SALL3: variants seen among roughly 807,000 people sequenced by gnomAD.
SALL3 encodes spalt like transcription factor 3.
In SALL3, 25 loss-of-function variants were observed where a neutral mutation model predicts 66.2. The observed-to-expected ratio is 0.38, with a 90% CI of 0.28 to 0.53. The LOEUF (loss-of-function observed/expected upper bound fraction) is 0.53, where lower values mean the gene tolerates loss of function less well. Ranked by LOEUF, SALL3 falls within the 20% of genes least tolerant of loss-of-function variation. The pLI, the probability that SALL3 is intolerant of heterozygous loss-of-function variation, is 0.85. For synonymous variants in SALL3, 1,152 were observed against 899.1 expected (o/e 1.28, Z -5.03); for missense variants, 2,194 against 1,916.5 (o/e 1.14, Z -2.70).
In SALL3 at chr18:78,992,353, A is replaced by AGGGCGAGGC; in HGVS notation, c.363_371dup (p.Gly122_Ala124dup). On this transcript the variant is annotated inframe_insertion, in exon 2 of 3. Transcript: ENST00000537592. ...GAGGAGGCGGGTGCGGAGGGCGCGG[A>AGGGCGAGGC]GGGCGAGGCCAGGCCGGTGGAGAAG... 1 of 1,368,858 alleles carries AGGGCGAGGC rather than the reference A, an allele frequency of 7.3e-7. No individual in the cohort carries two copies. The highest frequency in any genetic ancestry group is 3.2e-5 in the East Asian group (1 of 31,562). 84.8% of individuals were successfully genotyped at this position (1,368,858 alleles called of 1,614,324 possible). A position where few individuals can be genotyped will look rare whatever the true frequency, so the allele number is the denominator to read the frequency against.
At chr18:78,983,960 G>A (rs1397004225) in intron 1 of SALL3, among the ~76,000 whole-genome samples, 5 of 152,200 alleles carry the variant, frequency 3.3e-5, no homozygotes, top group African/African-American at 1.2e-4. Flanking sequence ...TTAATTCCCA[G>A]CTTGCAGAGA....
chr18:78,986,725 A>C (rs1914258368), intron 1 of SALL3, among the ~76,000 whole-genome samples: 2 of 152,240 alleles, frequency 1.3e-5, no homozygotes, highest in Admixed American at 6.5e-5. Context: ...TGGATAAGTT[A>C]ACAACCCTTT....
At chr18:78,996,448 G>A (rs1309038749) in intron 2 of SALL3, among the ~76,000 whole-genome samples, 6 of 152,218 alleles carry the variant, frequency 3.9e-5, no homozygotes, top group Non-Finnish European at 5.9e-5. Context: ...TAGAATTAAT[G>A]TTTCTTTGTT....
In SALL3 at chr18:78,992,699, G is replaced by C; in HGVS notation, c.708G>C (p.Pro236=). The C allele has an allele frequency of 6.7e-7, 1 of 1,502,570 alleles. No homozygotes were observed. Among genetic ancestry groups the C allele is most frequent in the Non-Finnish European group, 8.9e-7 (1 of 1,129,484 alleles). The allele number at this position is 1,502,570 out of a possible 1,614,324, so 93.1% of individuals were successfully genotyped here. A position where few individuals can be genotyped will look rare whatever the true frequency, so the allele number is the denominator to read the frequency against. ...GCCAGGTGGCCCTCATGCAGCGCCCGCCGCCGCGGCCCTCACTCAGCCCCG... is the reference window on the plus strand; with the variant it reads ...GCCAGGTGGCCCTCATGCAGCGCCCCCCGCCGCGGCCCTCACTCAGCCCCG... The part of the protein sequence containing the change: ...IRSQVALMQR[P]PPRPSLSPAA... The change falls in exon 2 of 3, where the codon CCG becomes CCC. Residue 236 remains proline, a synonymous_variant. Transcript: ENST00000537592.
rs1211236507 is a variant in SALL3 at position 78,980,007 on chromosome 18, C to T, written c.-268C>T. ...GCCCCGGTCCCGAGGCGCCGCGGCCCCCTCCTCGTCGGCGCGGCCGCTAAT... is the reference window on the plus strand; with the variant it reads ...GCCCCGGTCCCGAGGCGCCGCGGCCTCCTCCTCGTCGGCGCGGCCGCTAAT... On this transcript the variant is annotated 5_prime_UTR_variant, in exon 1 of 3. Coordinates refer to ENST00000537592, the MANE Select transcript of SALL3 (RefSeq NM_171999.4). 2.1e-5 allele frequency among the ~76,000 whole-genome samples: 3 copies of T among 145,688 alleles called. No homozygotes were observed. The highest frequency in any genetic ancestry group is 4.6e-5 in the Non-Finnish European group (3 of 65,608).
At chr18:78,983,601 A>G (rs1914146954) in intron 1 of SALL3, among the ~76,000 whole-genome samples, 1 of 152,186 alleles carries the variant, frequency 6.6e-6, no homozygotes, top group Non-Finnish European at 1.5e-5. Context: ...AGAATTTACC[A>G]GTGGTTTTCA....
Position 78,994,750 on chromosome 18 carries a change from C to G in SALL3, c.2759C>G (p.Pro920Arg). ...SNGESFRSKSPGLGAPEEPQE... is the reference protein window; with the variant it reads ...SNGESFRSKSRGLGAPEEPQE... ...GGTGAGAGCTTCCGCTCCAAGTCCC[C>G]GGGCCTGGGCGCCCCGGAGGAGCCC... Residue 920 changes from proline to arginine, a missense_variant, in exon 2 of 3, where the codon CCG becomes CGG. Transcript: ENST00000537592. The G allele has an allele frequency of 1.9e-6, 3 of 1,601,548 alleles. No individual in the cohort carries two copies. The highest frequency in any genetic ancestry group is 2.5e-6 in the Non-Finnish European group (3 of 1,178,436).
intron 1 of SALL3, among the ~76,000 whole-genome samples, chr18:78,986,429 C>G (rs749979705): frequency 2.6e-5 from 4 of 152,150 alleles, no homozygotes; most frequent in Non-Finnish European, 5.9e-5. Flanking sequence ...TTTTCTATTG[C>G]GTCTGGAATT....
chr18:78,992,713 C>T lies in SALL3; in HGVS notation c.722C>T (p.Ser241Leu). 6.8e-7 allele frequency: 1 copy of T among 1,476,052 alleles called. No individual in the cohort carries two copies. The highest frequency in any genetic ancestry group is 3.0e-5 in the East Asian group (1 of 33,412). 91.4% of individuals were successfully genotyped at this position (1,476,052 alleles called of 1,614,324 possible). Residue 241 changes from serine to leucine, a missense_variant, in exon 2 of 3, where the codon TCA (serine) becomes TTA (leucine). Ser to Leu is a moderately radical substitution (Grantham distance 145, BLOSUM62 -2). Transcript: ENST00000537592. The stretch of plus-strand genomic sequence containing the variant: ...ATGCAGCGCCCGCCGCCGCGGCCCT[C>T]ACTCAGCCCCGCGGCCGCCCCGAGC... ...ALMQRPPPRP[S>L]LSPAAAPSAP...
rs1202697355 is a variant in SALL3 at position 78,993,918 on chromosome 18, T to C, written c.1927T>C (p.Phe643Leu). The change falls in exon 2 of 3, where the codon TTC becomes CTC. Residue 643 changes from phenylalanine to leucine, a missense_variant. Coordinates refer to ENST00000537592, the MANE Select transcript of SALL3 (RefSeq NM_171999.4). ...CGGGCTGCCCGCCGTCTCCGAGCAG[T>C]TCAAGGCCCAGTTTCCGTTCGGGGG... is the stretch of plus-strand genomic sequence containing the variant. The part of the protein sequence containing the change: ...SPGLPAVSEQ[F>L]KAQFPFGGLL... The C allele has an allele frequency of 1.2e-6, 2 of 1,604,166 alleles. No individual in the cohort carries two copies. Among genetic ancestry groups the C allele is most frequent in the Admixed American group, 3.4e-5 (2 of 59,238 alleles).
At chr18:78,985,331 G>A (rs1023120378) in intron 1 of SALL3, among the ~76,000 whole-genome samples, 1 of 152,182 alleles carries the variant, frequency 6.6e-6, no homozygotes, top group African/African-American at 2.4e-5. Flanking sequence ...AGTTCTTAAA[G>A]AAGAAGAGAA....
Position 78,992,770 on chromosome 18 carries a change from G to A in SALL3, c.779G>A (p.Gly260Glu). Residue 260 changes from glycine (G) to glutamate (E), a missense_variant, in exon 2 of 3, where the codon GGG (glycine) becomes GAG (glutamate). Physicochemically the swap from Gly to Glu is moderately conservative, Grantham distance 98 (BLOSUM62 -2). Transcript: ENST00000537592. ...GGCCCGGCCCCCAGCCAGCTGCCCGGGCTGGCCGCGCTCCCGCTGTCGGCC... is the reference window on the plus strand; with the variant it reads ...GGCCCGGCCCCCAGCCAGCTGCCCGAGCTGGCCGCGCTCCCGCTGTCGGCC... ...APGPAPSQLP[G>E]LAALPLSAGA... 9.6e-7 allele frequency: 1 copy of A among 1,037,694 alleles called. No individual in the cohort carries two copies. Among genetic ancestry groups the A allele is most frequent in the Non-Finnish European group, 1.2e-6 (1 of 864,866 alleles). The allele number at this position is 1,037,694 out of a possible 1,614,324, so 64.3% of individuals were successfully genotyped here. A position where few individuals can be genotyped will look rare whatever the true frequency, so the allele number is the denominator to read the frequency against.
At chr18:78,981,831 C>T (rs1475505119) in intron 1 of SALL3, among the ~76,000 whole-genome samples, 4 of 152,074 alleles carry the variant, frequency 2.6e-5, no homozygotes, top group African/African-American at 9.7e-5. Flanking sequence ...TTTGTATCGC[C>T]CTCAATGACT....
In SALL3 at chr18:78,997,318, ACTAGCC is replaced by A. The variant is rs747384954; in HGVS notation, c.3900_*2del. The A allele has an allele frequency of 3.7e-6, 6 of 1,612,044 alleles. No individual in the cohort carries two copies. Among genetic ancestry groups the A allele is most frequent in the Non-Finnish European group, 5.1e-6 (6 of 1,178,718 alleles). ...GAGGATAACAAGGAGATTGGTATCA[ACTAGCC>A]AGTGACTCGCTCATCTGCCCTGCCC... On this transcript the variant is annotated stop_lost and 3_prime_UTR_variant, in exon 3 of 3. Coordinates refer to ENST00000537592, the MANE Select transcript of SALL3 (RefSeq NM_171999.4).
At position 78,995,335 on chromosome 18, in the gene SALL3, G is replaced by T; in HGVS notation, c.3344G>T (p.Cys1115Phe). ...PPRRTPKQHN[C>F]QSCGKTFSSA... ...CGCCGGACGCCCAAGCAGCACAACT[G>T]CCAGTCGTGCGGGAAGACCTTCTCC... The change falls in exon 2 of 3, where the codon TGC (cysteine) becomes TTC (phenylalanine). Residue 1115 changes from cysteine (C) to phenylalanine (F), a missense_variant. By Grantham distance (205) the Cys-to-Phe change is radical. Transcript: ENST00000537592. 1 of 1,570,792 alleles carries T rather than the reference G, an allele frequency of 6.4e-7. No individual in the cohort carries two copies.
chr18:78,990,794 C>T (rs1252723595), intron 1 of SALL3, among the ~76,000 whole-genome samples: 2 of 152,110 alleles, frequency 1.3e-5, no homozygotes, highest in East Asian at 1.9e-4. Flanking sequence ...AAAGCAGTTA[C>T]GAGTCAGTAA....
At chr18:78,985,170 T>C (rs1193103266) in intron 1 of SALL3, 2 of 152,198 alleles carry the variant, frequency 1.3e-5, no homozygotes, top group African/African-American at 4.8e-5. Context: ...ATAATACAAT[T>C]AGTGCATCTG....
rs1237093570 is a variant in SALL3 at position 78,986,807 on chromosome 18, A to C, written c.83-5267A>C. 3.9e-5 allele frequency among the ~76,000 whole-genome samples: 6 copies of C among 152,230 alleles called. No individual in the cohort carries two copies. The East Asian group carries it at 1.2e-3, about 29-fold the overall frequency. On this transcript the variant is annotated intron_variant, in intron 1 of 2. Coordinates refer to ENST00000537592, the MANE Select transcript of SALL3 (RefSeq NM_171999.4). ...AAAAACATGCAGCAAAAGTGTATTG[A>C]AGGTGAGCTTTTGAGATTGATAAAG...
chr18:78,994,477 G>GGGCGCCCC lies in SALL3; in HGVS notation c.2486_2487insGGCGCCCC (p.Cys829TrpfsTer22). 1 of 1,603,338 alleles carries GGGCGCCCC rather than the reference G, an allele frequency of 6.2e-7. No individual in the cohort carries two copies. The highest frequency in any genetic ancestry group is 8.5e-7 in the Non-Finnish European group (1 of 1,173,496). Reference sequence around the variant, plus strand: ...CCACTCCTGTCCTACGCGGGGTCCTGCCCGCCCTCCCCGCCCTCGGTCATC... The same window carrying GGGCGCCCC: ...CCACTCCTGTCCTACGCGGGGTCCTGGGCGCCCCCCCGCCCTCCCCGCCCTCGGTCATC... On this transcript the variant is annotated frameshift_variant, in exon 2 of 3. Transcript: ENST00000537592. LOFTEE classifies it high-confidence loss of function.
Sources: gnomAD v4.1 joint callset for allele counts (sites outside exome capture counted in the v4.1 genomes callset) on GRCh38, gnomAD v4.1.1 for gene constraint, MANE v1.5 for transcripts, NCBI Gene and HGNC (gene_info 2026-07-23, HGNC 2026-07-21) for gene names.